ACBD6: variants seen among roughly 807,000 people sequenced by gnomAD.
The protein encoded by ACBD6 is acyl-CoA-binding domain-containing protein 6.
Under a neutral mutation model 37.2 loss-of-function variants are expected in ACBD6, and 28 were observed. The ratio of observed to expected loss-of-function variants is 0.75; its 90% CI spans 0.56 to 1.03. The LOEUF is 1.03. Among genes scored for constraint, ACBD6 ranks in the 50% least tolerant of loss-of-function variants. The probability of loss-of-function intolerance (pLI) is 0.00; values close to 1 mark genes in which losing one functional copy is unlikely to be tolerated. For missense variants in ACBD6, 340 were observed against 337.4 expected (o/e 1.01, Z -0.06); for synonymous variants, 113 against 126.8 (o/e 0.89, Z 0.73).
Position 180,402,802 on chromosome 1 carries a change from G to GAA in ACBD6, c.574-5199_574-5198dup, listed in dbSNP as rs60336213. Among the ~76,000 whole-genome samples, 1,334 of 140,490 alleles carry GAA rather than the reference G, an allele frequency of 9.5e-3. 12 individuals carry two copies. The highest frequency in any genetic ancestry group is 0.014 in the Non-Finnish European group (934 of 65,640). 92.2% of individuals were successfully genotyped at this position (140,490 alleles called of 152,430 possible). On this transcript the variant is annotated intron_variant, in intron 5 of 7. Coordinates refer to ENST00000367595, the MANE Select transcript of ACBD6 (RefSeq NM_032360.4). Reference sequence around the variant, plus strand: ...AACACAGTGACACTCTGTCTCAAAAGAAAAAAAAAAAAATCCCTTCACAAG... The same window carrying GAA: ...AACACAGTGACACTCTGTCTCAAAAGAAAAAAAAAAAAAAATCCCTTCACAAG...
At position 180,502,383 on chromosome 1, in the gene ACBD6, C is replaced by T. The variant is rs979864736; in HGVS notation, c.-117G>A. The T allele has an allele frequency of 1.5e-4, 172 of 1,164,814 alleles. No individual in the cohort carries two copies. Among genetic ancestry groups the T allele is most frequent in the Non-Finnish European group, 1.8e-4 (142 of 797,256 alleles). 72.2% of individuals were successfully genotyped at this position (1,164,814 alleles called of 1,614,324 possible). A position where few individuals can be genotyped will look rare whatever the true frequency, so the allele number is the denominator to read the frequency against. ...TCGCGAGCCTGAGCTCCAGTCGGACCCAAGCTCAGTCGCGGCGCGCTCCCT... is the reference window on the plus strand; with the variant it reads ...TCGCGAGCCTGAGCTCCAGTCGGACTCAAGCTCAGTCGCGGCGCGCTCCCT... On this transcript the variant is annotated 5_prime_UTR_variant, in exon 1 of 8. Coordinates refer to ENST00000367595, the MANE Select transcript of ACBD6 (RefSeq NM_032360.4).
intron 3 of ACBD6, among the ~76,000 whole-genome samples, chr1:180,491,674 T>A (rs1448085947): frequency 1.3e-5 from 2 of 152,238 alleles, no homozygotes; most frequent in East Asian, 3.8e-4. Flanking sequence ...TAACCTTTTT[T>A]CCAGCATGAT....
At chr1:180,286,857 G>A (rs1423787518), downstream of ACBD6, 2 of 152,106 alleles carry the variant, frequency 1.3e-5, no homozygotes, top group African/African-American at 4.8e-5. Flanking sequence ...CCAAAGAACA[G>A]GTTAGTTCAT....
At chr1:180,376,176 A>C (rs912751912) in intron 6 of ACBD6, among the ~76,000 whole-genome samples, 3 of 152,258 alleles carry the variant, frequency 2.0e-5, no homozygotes, top group African/African-American at 7.2e-5. Context: ...GTGAGAGAGC[A>C]CAATCTATTG....
At chr1:180,490,221 AG>A (rs994173781) in intron 3 of ACBD6, among the ~76,000 whole-genome samples, 7 of 152,222 alleles carry the variant, frequency 4.6e-5, no homozygotes, top group South Asian at 2.1e-4. Flanking sequence ...AGTTCAGCTC[AG>A]GGGGCACCTG....
At chr1:180,355,501 C>T (rs1243936673) in intron 6 of ACBD6, among the ~76,000 whole-genome samples, 1 of 152,152 alleles carries the variant, frequency 6.6e-6, no homozygotes, top group Non-Finnish European at 1.5e-5. Flanking sequence ...TAAAATTAGC[C>T]ATGTCAAAAC....
intron 3 of ACBD6, among the ~76,000 whole-genome samples, chr1:180,459,041 T>C (rs1214964446): frequency 6.6e-6 from 1 of 152,174 alleles, no homozygotes; most frequent in Non-Finnish European, 1.5e-5. Context: ...GTAATGATAT[T>C]TTTTCAAGAT....
intron 6 of ACBD6, among the ~76,000 whole-genome samples, chr1:180,364,736 C>CTTTTTTT: frequency 7.1e-6 from 1 of 140,886 alleles, no homozygotes; most frequent in Non-Finnish European, 1.5e-5. Context: ...TCCTTTCTAT[C>CTTTTTTT]TTTTTTTTTT....
At chr1:180,476,638 C>A (rs1650804297) in intron 3 of ACBD6, among the ~76,000 whole-genome samples, 1 of 152,092 alleles carries the variant, frequency 6.6e-6, no homozygotes, top group African/African-American at 2.4e-5. Flanking sequence ...CCAGCCTGGT[C>A]AACATGGTGA....
intron 6 of ACBD6, among the ~76,000 whole-genome samples, chr1:180,342,219 G>A (rs1652008467): frequency 6.6e-6 from 1 of 152,058 alleles, no homozygotes; most frequent in Non-Finnish European, 1.5e-5. Flanking sequence ...AAAGACAGGA[G>A]GCCAACCAGA....
intron 9 of ACBD6, among the ~76,000 whole-genome samples, chr1:180,279,901 C>T (rs1009128936): frequency 1.3e-4 from 20 of 151,612 alleles, no homozygotes; most frequent in African/African-American, 4.8e-4. Context: ...AAAACTACAG[C>T]GTGTTTCTTT....
intron 5 of ACBD6, among the ~76,000 whole-genome samples, chr1:180,404,974 A>G (rs764381778): frequency 6.6e-6 from 1 of 152,222 alleles, no homozygotes; most frequent in African/African-American, 2.4e-5. Flanking sequence ...CACTGCCTAC[A>G]TGAATGCAAA....
intron 3 of ACBD6, among the ~76,000 whole-genome samples, chr1:180,461,451 G>A (rs1650143846): frequency 6.6e-6 from 1 of 152,040 alleles, no homozygotes; most frequent in East Asian, 1.9e-4. Context: ...TCATCTCCAA[G>A]ACACATAATC....
intron 3 of ACBD6, chr1:180,435,271 C>T (rs1043990357): frequency 3.2e-5 from 19 of 587,996 alleles, no homozygotes; most frequent in South Asian, 1.1e-4. Context: ...TTTTTTGAGA[C>T]GGAGTCTTGC....
intron 3 of ACBD6, among the ~76,000 whole-genome samples, chr1:180,464,342 G>A (rs1182839863): frequency 1.3e-5 from 2 of 152,036 alleles, no homozygotes; most frequent in Admixed American, 1.3e-4. Context: ...CAGCAAAGTT[G>A]CAGGATACAA....
intron 3 of ACBD6, among the ~76,000 whole-genome samples, chr1:180,487,294 A>C (rs563225662): frequency 1.3e-5 from 2 of 152,266 alleles, no homozygotes; most frequent in South Asian, 4.1e-4. Context: ...CCACCATTGC[A>C]GTTACCCACT....
intron 6 of ACBD6, among the ~76,000 whole-genome samples, chr1:180,337,662 G>A (rs1340428393): frequency 1.3e-5 from 2 of 152,118 alleles, no homozygotes; most frequent in Non-Finnish European, 2.9e-5. Context: ...AGGGCAATCA[G>A]GCAGGAAAAG....
intron 4 of ACBD6, among the ~76,000 whole-genome samples, chr1:180,413,962 T>C (rs1368282057): frequency 6.6e-6 from 1 of 152,182 alleles, no homozygotes; most frequent in African/African-American, 2.4e-5. Flanking sequence ...TGCCAAATGG[T>C]ACTACATTTA....
intron 5 of ACBD6, among the ~76,000 whole-genome samples, chr1:180,404,332 C>T (rs553722417): frequency 1.3e-5 from 2 of 152,162 alleles, no homozygotes; most frequent in Admixed American, 1.3e-4. Flanking sequence ...TTTATTTATT[C>T]ATTTTTTATC....
Sources: gnomAD v4.1 joint callset for allele counts (sites outside exome capture counted in the v4.1 genomes callset) on GRCh38, gnomAD v4.1.1 for gene constraint, MANE v1.5 for transcripts, NCBI Gene and HGNC (gene_info 2026-07-23, HGNC 2026-07-21) for gene names.